Variants in DNAJC18 observed in about 807,000 individuals in gnomAD.
DNAJC18 encodes DnaJ heat shock protein family (Hsp40) member C18.
In DNAJC18, 40 loss-of-function variants were observed where a neutral mutation model predicts 48.6. The observed-to-expected ratio is 0.82, with a 90% CI of 0.64 to 1.07. The LOEUF is 1.07. Ranked by LOEUF, DNAJC18 falls within the 50% of genes least tolerant of loss-of-function variation. The probability of loss-of-function intolerance (pLI) is 0.00; values close to 1 mark genes in which losing one functional copy is unlikely to be tolerated. For synonymous variants in DNAJC18, 135 were observed against 152.2 expected (o/e 0.89, Z 0.83); for missense variants, 340 against 427.7 (o/e 0.79, Z 1.81).
At chr5:139,432,529 C>T (rs1183939393) in intron 2 of DNAJC18, among the ~76,000 whole-genome samples, 5 of 151,340 alleles carry the variant, frequency 3.3e-5, no homozygotes, top group African/African-American at 9.7e-5. Flanking sequence ...TGCAGTGGCA[C>T]GATCATAGCT....
rs1215289273 is a variant in DNAJC18 at position 139,410,773 on chromosome 5, CTT to C, written c.*3373_*3374del. 21 of 145,180 alleles carry C rather than the reference CTT, an allele frequency of 1.4e-4. No individual in the cohort carries two copies. The highest frequency in any genetic ancestry group is 2.4e-4 in the Non-Finnish European group (16 of 66,012). 9.0% of individuals were successfully genotyped at this position (145,180 alleles called of 1,614,324 possible). On this transcript the variant is annotated 3_prime_UTR_variant, in exon 8 of 8. Transcript: ENST00000302060. ...GTTCACTGTATTTTCTTTTTTCTTT[CTT>C]TTTTTTTTTTTGAGACAGAGTCTTG...
In DNAJC18 at chr5:139,414,259, T is replaced by G. The variant is rs1263642041; in HGVS notation, c.966A>C (p.Thr322=). ...WKEKQQKSEL[T]NLAGLYRDER... is the part of the protein sequence containing the mutation. ...CATCTCTGTATAATCCTGCCAAATT[T>G]GTCAGCTCTGACTCTGAAAGATAAA... is the stretch of plus-strand genomic sequence containing the variant. Residue 322 remains threonine, a synonymous_variant, in exon 8 of 8, where the codon ACA becomes ACC. Coordinates refer to ENST00000302060, the MANE Select transcript of DNAJC18 (RefSeq NM_152686.4). The G allele has an allele frequency of 6.2e-7, 1 of 1,613,448 alleles. No individual in the cohort carries two copies.
intron 7 of DNAJC18, 76 bp from the exon 8 acceptor site, chr5:139,414,348 G>A: frequency 6.6e-7 from 1 of 1,524,098 alleles, no homozygotes; most frequent in South Asian, 1.3e-5. Flanking sequence ...TGGAGTCAAA[G>A]CTCCTTTTAC....
chr5:139,439,106 C>G lies in DNAJC18; in HGVS notation c.40+300G>C, dbSNP rs1333532448. The stretch of plus-strand genomic sequence containing the variant: ...AAGCTGCGGAGAGACCGCAGCACCC[C>G]ACGGGCCCTCCAGTCACCTTGGCAT... On this transcript the variant is annotated intron_variant, in intron 1 of 7. Coordinates refer to ENST00000302060, the MANE Select transcript of DNAJC18 (RefSeq NM_152686.4). The surrounding 1 kb of genome is among the most constrained non-coding windows in gnomAD (Gnocchi z 4.1). 2.6e-5 allele frequency among the ~76,000 whole-genome samples: 4 copies of G among 152,134 alleles called. No individual in the cohort carries two copies. The highest frequency in any genetic ancestry group is 1.5e-5 in the Non-Finnish European group (1 of 68,012).
chr5:139,435,730 T>TTTTTTTTTTTTTC lies in DNAJC18; in HGVS notation c.227+1641_227+1642insGAAAAAAAAAAAA, dbSNP rs1438818286. ...GTTTTTTTTTTTTTTTTTTTTTTTT[T>TTTTTTTTTTTTTC]TTCAGACAAGGTCTCCCTCTGTCAC... On this transcript the variant is annotated intron_variant, in intron 2 of 7. Coordinates refer to ENST00000302060, the MANE Select transcript of DNAJC18 (RefSeq NM_152686.4). 2.7e-4 allele frequency among the ~76,000 whole-genome samples: 36 copies of TTTTTTTTTTTTTC among 131,914 alleles called. 5 individuals carry two copies. The East Asian group carries it at 9.0e-3, about 33-fold the overall frequency. 86.5% of individuals were successfully genotyped at this position (131,914 alleles called of 152,430 possible). A position where few individuals can be genotyped will look rare whatever the true frequency, so the allele number is the denominator to read the frequency against.
rs765351823 is a variant in DNAJC18 at position 139,420,164 on chromosome 5, T to C, written c.841A>G (p.Lys281Glu). Residue 281 changes from lysine to glutamate, a missense_variant, in exon 7 of 8, where the codon AAA (lysine) becomes GAA (glutamate). Coordinates refer to ENST00000302060, the MANE Select transcript of DNAJC18 (RefSeq NM_152686.4). ...QNLQVPYFVDKNFDKAYRGAS... is the reference protein window; with the variant it reads ...QNLQVPYFVDENFDKAYRGAS... ...CCTCTGTAGGCCTTGTCAAAGTTTT[T>C]ATCCACAAAGTAAGGCACCTGCAGG... 2.5e-6 allele frequency: 4 copies of C among 1,612,072 alleles called. No individual in the cohort carries two copies. The African/African-American group carries it at 4.0e-5, about 16-fold the overall frequency.
intron 7 of DNAJC18, among the ~76,000 whole-genome samples, chr5:139,419,383 G>T (rs1759116558): frequency 6.6e-6 from 1 of 152,260 alleles, no homozygotes; most frequent in Non-Finnish European, 1.5e-5. Flanking sequence ...TCCAGAGAGG[G>T]AAATAGGGGG....
In DNAJC18 at chr5:139,412,577, C is replaced by T; in HGVS notation, c.*1571G>A. The T allele has an allele frequency of 5.0e-6, 2 of 397,668 alleles. No homozygotes were observed. The highest frequency in any genetic ancestry group is 4.4e-5 in the Admixed American group (1 of 22,710). 24.6% of individuals were successfully genotyped at this position (397,668 alleles called of 1,614,324 possible). A position where few individuals can be genotyped will look rare whatever the true frequency, so the allele number is the denominator to read the frequency against. On this transcript the variant is annotated 3_prime_UTR_variant, in exon 8 of 8. Coordinates refer to ENST00000302060, the MANE Select transcript of DNAJC18 (RefSeq NM_152686.4). ...CACCCGGCCGACTCTCTACCAGAAA[C>T]TTTTCTTCCAATATGAAGGAAGCAT...
intron 1 of DNAJC18, among the ~76,000 whole-genome samples, chr5:139,438,289 C>T (rs1223306113): frequency 6.7e-6 from 1 of 148,526 alleles, no homozygotes; most frequent in Non-Finnish European, 1.5e-5. Flanking sequence ...GCACTCCAGC[C>T]TGGGTGATAG....
chr5:139,422,518 G>C (rs765697691), intron 6 of DNAJC18, among the ~76,000 whole-genome samples, 190 bp downstream of exon 6: 5 of 152,160 alleles, frequency 3.3e-5, no homozygotes, highest in African/African-American at 4.8e-5. Context: ...TCTATTTCCC[G>C]AGGCACACAG....
intron 2 of DNAJC18, among the ~76,000 whole-genome samples, chr5:139,430,832 A>C (rs1759320041): frequency 2.0e-5 from 3 of 152,046 alleles, no homozygotes; most frequent in Admixed American, 2.0e-4. Context: ...TGGCCTCCTA[A>C]AGTGCTGGGA....
intron 7 of DNAJC18, chr5:139,418,706 C>G (rs1759105681): frequency 2.2e-6 from 1 of 455,996 alleles, no homozygotes. Context: ...TAAGGGTGAG[C>G]TAGGACACTA....
chr5:139,434,433 C>T (rs940911451), intron 2 of DNAJC18, among the ~76,000 whole-genome samples: 2 of 152,116 alleles, frequency 1.3e-5, no homozygotes, highest in Non-Finnish European at 2.9e-5. Flanking sequence ...AAGGGATCCA[C>T]CTACCTCAGC....
chr5:139,435,851 G>A (rs1019612002), intron 2 of DNAJC18, among the ~76,000 whole-genome samples: 4 of 151,090 alleles, frequency 2.6e-5, no homozygotes, highest in African/African-American at 9.7e-5. Flanking sequence ...AACTGCAGGT[G>A]TGCACCACCA....
Position 139,423,932 on chromosome 5 carries a change from C to A in DNAJC18, c.669+1073G>T, listed in dbSNP as rs149413701. Reference sequence around the variant, plus strand: ...AGCCCCATTAATAAGACCAATGAAGCAAACATCTCTAGGTAAACCTGCCCA... The same window carrying A: ...AGCCCCATTAATAAGACCAATGAAGAAAACATCTCTAGGTAAACCTGCCCA... On this transcript the variant is annotated intron_variant, in intron 5 of 7. Coordinates refer to ENST00000302060, the MANE Select transcript of DNAJC18 (RefSeq NM_152686.4). Among the ~76,000 whole-genome samples the A allele has an allele frequency of 4.6e-5, 7 of 152,242 alleles. No individual in the cohort carries two copies. In the East Asian group the frequency reaches 1.4e-3, roughly 29 times the overall value.
chr5:139,430,729 C>T (rs1225660879), intron 2 of DNAJC18, among the ~76,000 whole-genome samples: 1 of 151,866 alleles, frequency 6.6e-6, no homozygotes, highest in Non-Finnish European at 1.5e-5. Flanking sequence ...ATCACCACAC[C>T]CAGCTAGTTT....
chr5:139,417,837 G>C (rs1455089606), intron 7 of DNAJC18, among the ~76,000 whole-genome samples: 8 of 152,132 alleles, frequency 5.3e-5, no homozygotes, highest in Non-Finnish European at 1.2e-4. Context: ...GCCTCCCAAA[G>C]TGCTGGGATT....
At chr5:139,437,690 T>G in intron 1 of DNAJC18, 132 bp from the exon 2 acceptor site, 1 of 1,044,622 alleles carries the variant, frequency 9.6e-7, no homozygotes, top group Non-Finnish European at 1.3e-6. Flanking sequence ...AGAGGCGTCA[T>G]GCTGACTTTT....
intron 7 of DNAJC18, among the ~76,000 whole-genome samples, chr5:139,414,562 G>A (rs555732937): frequency 4.6e-5 from 7 of 152,318 alleles, no homozygotes; most frequent in African/African-American, 1.2e-4. Context: ...GGAAACCTGC[G>A]CATGTGCAGT....
Sources: gnomAD v4.1 joint callset for allele counts (sites outside exome capture counted in the v4.1 genomes callset) on GRCh38, gnomAD v4.1.1 for gene constraint, Gnocchi (gnomAD v3.1) non-coding constraint, MANE v1.5 for transcripts, NCBI Gene and HGNC (gene_info 2026-07-23, HGNC 2026-07-21) for gene names.